Variants in ABCA1 observed in about 807,000 individuals in gnomAD.
ABCA1 encodes the protein phospholipid-transporting ATPase ABCA1.
ABCA1 carries 133 observed loss-of-function variants against 262.5 expected under a neutral mutation model. The ratio of observed to expected loss-of-function variants is 0.51; its 90% CI spans 0.44 to 0.59. The LOEUF (loss-of-function observed/expected upper bound fraction) is 0.59. Ranked by LOEUF, ABCA1 falls within the 20% of genes least tolerant of loss-of-function variation. ABCA1 has a pLI of 0.00. For missense variants in ABCA1, 2,452 were observed against 2,777.5 expected (o/e 0.88, Z 2.63); for synonymous variants, 1,022 against 1,043.5 (o/e 0.98, Z 0.40).
At chr9:104,848,716 T>A (rs948771050) in intron 7 of ABCA1, among the ~76,000 whole-genome samples, 4 of 152,014 alleles carry the variant, frequency 2.6e-5, no homozygotes, top group African/African-American at 9.7e-5. Flanking sequence ...TTTTGAGCAC[T>A]GAGGTTTGAG....
Position 104,786,887 on chromosome 9 carries a change from C to T in ABCA1, c.6294G>A (p.Val2098=), listed in dbSNP as rs776855188. 2.6e-5 allele frequency: 42 copies of T among 1,613,750 alleles called. No individual in the cohort carries two copies. The highest frequency in any genetic ancestry group is 4.2e-6 in the Non-Finnish European group (5 of 1,179,834). ...LSVVKEGRSV[V]LTSHSMEECE... The stretch of plus-strand genomic sequence containing the variant: ...TTACTACGGACCTATGAGATGTAAG[C>T]ACTACTGATCTCCCCTCCTTGACAA... The change falls in exon 47 of 50, where the codon GTG becomes GTA. Residue 2098 remains valine (V), a synonymous_variant. Transcript: ENST00000374736.
chr9:104,795,849 C>T (rs1829850876), intron 39 of ABCA1, among the ~76,000 whole-genome samples: 1 of 152,152 alleles, frequency 6.6e-6, no homozygotes, highest in African/African-American at 2.4e-5. Context: ...TCAAAAGAAA[C>T]TGAAAGGCTT....
At chr9:104,789,795 CATA>C (rs1829253540) in intron 44 of ABCA1, among the ~76,000 whole-genome samples, 1 of 152,056 alleles carries the variant, frequency 6.6e-6, no homozygotes, top group African/African-American at 2.4e-5. Flanking sequence ...TATCTCTCCA[CATA>C]ATAAGTCCAG....
chr9:104,882,281 A>G (rs1838749237), intron 5 of ABCA1, among the ~76,000 whole-genome samples: 1 of 152,208 alleles, frequency 6.6e-6, no homozygotes. Flanking sequence ...GCATGATAAT[A>G]ATAAAATGCA....
chr9:104,827,765 G>A (rs1255084922), intron 15 of ABCA1, among the ~76,000 whole-genome samples: 2 of 152,178 alleles, frequency 1.3e-5, no homozygotes. Context: ...TCCCCTTGCA[G>A]TTAGATAACA....
At chr9:104,793,997 A>C (rs1253723684) in intron 40 of ABCA1, among the ~76,000 whole-genome samples, 1 of 152,254 alleles carries the variant, frequency 6.6e-6, no homozygotes, top group Non-Finnish European at 1.5e-5. Context: ...CTGCAGGCAC[A>C]TGATTCGCCT....
At chr9:104,841,623 T>G (rs1391796855) in intron 8 of ABCA1, among the ~76,000 whole-genome samples, 1 of 150,270 alleles carries the variant, frequency 6.7e-6, no homozygotes, top group East Asian at 2.1e-4. Flanking sequence ...AGTAGATGCT[T>G]ATACCATGGC....
At chr9:104,911,046 T>C (rs1841465183) in intron 1 of ABCA1, among the ~76,000 whole-genome samples, 1 of 152,190 alleles carries the variant, frequency 6.6e-6, no homozygotes, top group South Asian at 2.1e-4. Flanking sequence ...AGATGTCTTT[T>C]TCGTAATTGA....
chr9:104,849,141 T>C (rs1835156304), intron 7 of ABCA1, among the ~76,000 whole-genome samples: 1 of 152,216 alleles, frequency 6.6e-6, no homozygotes, highest in Admixed American at 6.5e-5. Context: ...ATTTCTTAAC[T>C]CTGGAGCAAG....
intron 25 of ABCA1, 89 bp downstream of exon 25, chr9:104,816,054 T>C (rs55634448): frequency 1.3e-5 from 19 of 1,425,242 alleles, no homozygotes; most frequent in Non-Finnish European, 1.9e-5. Context: ...ACTAACTCCA[T>C]GATAATCCTG....
intron 24 of ABCA1, among the ~76,000 whole-genome samples, chr9:104,816,947 A>G (rs13288250): frequency 6.6e-6 from 1 of 152,088 alleles, no homozygotes. Context: ...ACGCTACCCA[A>G]GAAAAATCTG....
chr9:104,802,798 G>A (rs1830451852), intron 33 of ABCA1, among the ~76,000 whole-genome samples: 1 of 152,318 alleles, frequency 6.6e-6, no homozygotes, highest in African/African-American at 2.4e-5. Flanking sequence ...GGACAAATGG[G>A]TTGAAATACA....
At chr9:104,882,697 T>C (rs1428225850) in intron 5 of ABCA1, among the ~76,000 whole-genome samples, 1 of 152,252 alleles carries the variant, frequency 6.6e-6, no homozygotes, top group Non-Finnish European at 1.5e-5. Context: ...ACTCTGTCTA[T>C]AAATCCATTC....
chr9:104,839,742 G>A (rs2119032871), intron 9 of ABCA1, among the ~76,000 whole-genome samples: 1 of 152,212 alleles, frequency 6.6e-6, no homozygotes, highest in African/African-American at 2.4e-5. Context: ...CCACAATCAA[G>A]CTGTTAATAA....
intron 9 of ABCA1, among the ~76,000 whole-genome samples, chr9:104,838,677 A>T (rs1323498774): frequency 1.3e-5 from 2 of 152,174 alleles, no homozygotes; most frequent in African/African-American, 4.8e-5. Context: ...ACTTAACAAA[A>T]ACCCAAATAC....
intron 5 of ABCA1, among the ~76,000 whole-genome samples, chr9:104,862,103 C>CTT (rs553286875): frequency 2.1e-5 from 3 of 143,168 alleles, no homozygotes; most frequent in African/African-American, 7.6e-5. Flanking sequence ...CTTTCCTTTT[C>CTT]TTTTTTTTTT....
At chr9:104,811,201 T>G (rs140787261) in intron 28 of ABCA1, among the ~76,000 whole-genome samples, 1 of 152,328 alleles carries the variant, frequency 6.6e-6, no homozygotes, top group East Asian at 1.9e-4. Flanking sequence ...AAGTAAATAG[T>G]GCTCACATTC....
intron 5 of ABCA1, among the ~76,000 whole-genome samples, chr9:104,873,041 G>C (rs1482634022): frequency 6.6e-6 from 1 of 151,868 alleles, no homozygotes; most frequent in Non-Finnish European, 1.5e-5. Flanking sequence ...CCCTTGCCCT[G>C]GATGGAAATC....
At chr9:104,806,106 GAAAAAAAAACAA>G in intron 31 of ABCA1, 123 bp downstream of exon 31, 1 of 931,720 alleles carries the variant, frequency 1.1e-6, no homozygotes, top group Non-Finnish European at 1.6e-6. Context: ...CTCCGCCTCA[GAAAAAAAAACAA>G]AAAACAAAAA....
Sources: allele counts gnomAD v4.1 joint callset (sites outside exome capture counted in the v4.1 genomes callset), GRCh38; gene constraint gnomAD v4.1.1; transcripts MANE v1.5; gene names NCBI Gene and HGNC (gene_info 2026-07-23, HGNC 2026-07-21).